The following EFHB variants were observed in gnomAD, a reference collection of about 807,000 sequenced individuals.
EFHB encodes EF-hand domain-containing family member B.
Under a neutral mutation model 87.2 loss-of-function variants are expected in EFHB, and 91 were observed. The observed-to-expected ratio is 1.04, with a 90% CI of 0.88 to 1.24. The LOEUF (loss-of-function observed/expected upper bound fraction) is 1.24, where lower values mean the gene tolerates loss of function less well. EFHB is among the 50% of genes most tolerant of loss of function. The pLI, the probability that EFHB is intolerant of heterozygous loss-of-function variation, is 0.00. For synonymous variants in EFHB, 325 were observed against 333.6 expected, an observed-to-expected ratio of 0.97 and a Z score of 0.28; for missense variants, 1,084 against 998.8, an observed-to-expected ratio of 1.09 and a Z score of -1.15.
intron 12 of EFHB, among the ~76,000 whole-genome samples, chr3:19,880,838 G>C (rs1174792543): frequency 6.6e-6 from 1 of 151,422 alleles, no homozygotes; most frequent in Admixed American, 6.6e-5. Flanking sequence ...ATGAGTAGTG[G>C]GAATAAAGTA....
chr3:19,929,384 C>A (rs1008129019), intron 1 of EFHB, among the ~76,000 whole-genome samples: 3 of 151,666 alleles, frequency 2.0e-5, no homozygotes, highest in Non-Finnish European at 4.4e-5. Flanking sequence ...AAAATGAATA[C>A]CCAACAATAG....
Position 19,918,794 on chromosome 3 carries a change from G to T in EFHB, c.997-382C>A, listed in dbSNP as rs561289913. ...GTTTGAGACCAGCCTGGCCAACATG[G>T]TGAAACCCCATAACTACTAAAAAAA... is the stretch of plus-strand genomic sequence containing the variant. On this transcript the variant is annotated intron_variant, in intron 3 of 12. Transcript: ENST00000295824. Among the ~76,000 whole-genome samples, 112 of 147,894 alleles carry T rather than the reference G, an allele frequency of 7.6e-4. 1 individual carries two copies. The highest frequency in any genetic ancestry group is 2.8e-3 in the African/African-American group (109 of 39,186).
At chr3:19,926,855 T>G (rs1695648769) in intron 1 of EFHB, among the ~76,000 whole-genome samples, 1 of 150,990 alleles carries the variant, frequency 6.6e-6, no homozygotes, top group Admixed American at 6.6e-5. Context: ...AGACGGGGTT[T>G]CTCTATGTTG....
chr3:19,900,918 G>A (rs1694649002), intron 6 of EFHB, among the ~76,000 whole-genome samples: 1 of 137,044 alleles, frequency 7.3e-6, no homozygotes, highest in South Asian at 2.4e-4. Flanking sequence ...AACAAAGTGA[G>A]CCTGTCTCAA....
intron 1 of EFHB, among the ~76,000 whole-genome samples, chr3:19,927,938 GTATA>G (rs1211815719): frequency 4.0e-5 from 6 of 148,468 alleles, no homozygotes; most frequent in Non-Finnish European, 7.4e-5. Flanking sequence ...AAATACTATA[GTATA>G]TATATAGTAT....
chr3:19,900,809 A>G (rs530138254), intron 6 of EFHB, among the ~76,000 whole-genome samples: 16 of 152,076 alleles, frequency 1.1e-4, no homozygotes, highest in African/African-American at 3.9e-4. Flanking sequence ...CACGCCTGTA[A>G]TCCCAGGTAC....
In EFHB at chr3:19,933,240, C is replaced by G. The variant is rs1214944416; in HGVS notation, c.779G>C (p.Cys260Ser). 1 of 1,612,224 alleles carries G rather than the reference C, an allele frequency of 6.2e-7. No individual in the cohort carries two copies. Among genetic ancestry groups the G allele is most frequent in the African/African-American group, 1.3e-5 (1 of 74,876 alleles). The stretch of plus-strand genomic sequence containing the variant: ...TGGAAAAAAACTTACACTTGGCCAG[C>G]AAGGGGTCCGATCAAAAAACTTCCC... ...YSGKFFDRTP[C>S]WPSAGKVIPV... The change falls in exon 1 of 13, where the codon TGC (cysteine) becomes TCC (serine). Residue 260 changes from cysteine to serine, a missense_variant. Cys to Ser is a moderately radical substitution (Grantham distance 112). Transcript: ENST00000295824.
intron 1 of EFHB, among the ~76,000 whole-genome samples, chr3:19,925,392 G>A (rs1458289848): frequency 6.6e-6 from 1 of 152,054 alleles, no homozygotes; most frequent in East Asian, 1.9e-4. Flanking sequence ...TATCATAAAT[G>A]TATATGAATA....
chr3:19,885,365 A>G (rs1694064938), intron 10 of EFHB, among the ~76,000 whole-genome samples: 2 of 152,212 alleles, frequency 1.3e-5, no homozygotes, highest in Non-Finnish European at 2.9e-5. Context: ...ATGCACTACA[A>G]CATCAAGAGA....
intron 1 of EFHB, among the ~76,000 whole-genome samples, chr3:19,939,280 C>T (rs1226781378): frequency 6.6e-6 from 1 of 151,546 alleles, no homozygotes; most frequent in Non-Finnish European, 1.5e-5. Flanking sequence ...ATCCTCTGCC[C>T]TCCTTGCCTG....
chr3:19,919,189 C>CT lies in EFHB; in HGVS notation c.996+643dup, dbSNP rs201821902. 3.7e-3 allele frequency among the ~76,000 whole-genome samples: 565 copies of CT among 150,772 alleles called. 2 individuals are homozygous for CT. Among genetic ancestry groups the CT allele is most frequent in the Non-Finnish European group, 5.8e-3 (392 of 67,558 alleles). On this transcript the variant is annotated intron_variant, in intron 3 of 12. Coordinates refer to ENST00000295824, the MANE Select transcript of EFHB (RefSeq NM_144715.4). ...CCTCTAGGCAAGTCACCAAGACAGT[C>CT]TTTTTTTGTTTGTTTGTTTGTTTTT...
intron 4 of EFHB, among the ~76,000 whole-genome samples, chr3:19,918,013 A>AT (rs1357416545): frequency 6.6e-6 from 1 of 152,152 alleles, no homozygotes; most frequent in Non-Finnish European, 1.5e-5. Context: ...TATGCTCACT[A>AT]TATCTGGACT....
chr3:19,883,956 G>C (rs1470199559), intron 11 of EFHB, among the ~76,000 whole-genome samples: 1 of 152,180 alleles, frequency 6.6e-6, no homozygotes, highest in Non-Finnish European at 1.5e-5. Context: ...ATTCTATTAA[G>C]ACACCAGTTT....
At chr3:19,923,974 A>G (rs2125156456) in intron 1 of EFHB, among the ~76,000 whole-genome samples, 1 of 152,260 alleles carries the variant, frequency 6.6e-6, no homozygotes. Context: ...GCCCATGCCT[A>G]TCATCCCAGC....
At chr3:19,887,481 A>G (rs1574993222) in intron 10 of EFHB, among the ~76,000 whole-genome samples, 1 of 152,124 alleles carries the variant, frequency 6.6e-6, no homozygotes, top group African/African-American at 2.4e-5. Flanking sequence ...TGCTTAAAAT[A>G]TATACATATA....
intron 1 of EFHB, among the ~76,000 whole-genome samples, chr3:19,925,062 G>A (rs142918609): frequency 0.011 from 1,704 of 151,824 alleles, 26 homozygotes; most frequent in African/African-American, 0.039. Flanking sequence ...TGGCTTAAAC[G>A]GTGAAACATC....
intron 1 of EFHB, among the ~76,000 whole-genome samples, chr3:19,926,247 C>G (rs935707681): frequency 2.0e-5 from 3 of 152,180 alleles, no homozygotes; most frequent in African/African-American, 7.2e-5. Flanking sequence ...GGTCTCCAGT[C>G]TCTAAGTTCC....
chr3:19,904,394 G>T (rs1169869194), intron 6 of EFHB, among the ~76,000 whole-genome samples: 2 of 152,080 alleles, frequency 1.3e-5, no homozygotes, highest in Non-Finnish European at 2.9e-5. Context: ...CCTAGAGATG[G>T]TGTCTTGCTA....
chr3:19,893,758 C>T (rs1200886709), intron 9 of EFHB, among the ~76,000 whole-genome samples: 1 of 152,148 alleles, frequency 6.6e-6, no homozygotes, highest in Non-Finnish European at 1.5e-5. Flanking sequence ...TCCCCAGCCC[C>T]ATTTGCAGTC....
Sources: allele counts gnomAD v4.1 joint callset (sites outside exome capture counted in the v4.1 genomes callset), GRCh38; gene constraint gnomAD v4.1.1; transcripts MANE v1.5; gene names NCBI Gene and HGNC (gene_info 2026-07-23, HGNC 2026-07-21).